Variants in WDR89 observed in about 807,000 individuals in gnomAD.
WDR89 encodes WD repeat domain 89.
A neutral mutation model predicts 29.1 loss-of-function variants in WDR89; 17 were observed. The observed-to-expected ratio is 0.58, with a 90% CI of 0.40 to 0.88. WDR89 has a LOEUF of 0.88. Ranked by LOEUF, WDR89 falls within the 40% of genes least tolerant of loss-of-function variation. WDR89 has a pLI of 0.00. For synonymous variants in WDR89, 138 were observed against 157.8 expected (o/e 0.87, Z 0.94); for missense variants, 396 against 456.3 (o/e 0.87, Z 1.20).
At chr14:63,619,029 T>C (rs968681982) in intron 2 of WDR89, among the ~76,000 whole-genome samples, 2 of 152,210 alleles carry the variant, frequency 1.3e-5, no homozygotes, top group Non-Finnish European at 2.9e-5. Context: ...AGATATTTTA[T>C]GTGTGCGTAT....
intron 2 of WDR89, among the ~76,000 whole-genome samples, chr14:63,612,549 A>G (rs1163114560): frequency 6.6e-6 from 1 of 151,886 alleles, no homozygotes; most frequent in Admixed American, 6.6e-5. Flanking sequence ...CTAATTTTGT[A>G]TTTTTTGTAG....
intron 2 of WDR89, among the ~76,000 whole-genome samples, chr14:63,619,231 G>T (rs971923605): frequency 2.0e-5 from 3 of 152,134 alleles, no homozygotes; most frequent in Admixed American, 1.3e-4. Context: ...GCACAAGATA[G>T]TAACAGCTCA....
chr14:63,621,894 T>A (rs2139541715), intron 2 of WDR89: 1 of 152,198 alleles, frequency 6.6e-6, no homozygotes, highest in South Asian at 2.1e-4. Context: ...AGAAATACGA[T>A]CAGAAAAACA....
At position 63,626,704 on chromosome 14, in the gene WDR89, A is replaced by C. The variant is rs886194447; in HGVS notation, c.-137-1671T>G. On this transcript the variant is annotated intron_variant, in intron 1 of 2. Coordinates refer to ENST00000620954, the MANE Select transcript of WDR89 (RefSeq NM_080666.4). ...AAAAAAAAAAAAAAAAAAAAAAAAAAAAAAAAGTTCCGTCTTACTAACAGT... is the reference window on the plus strand; with the variant it reads ...AAAAAAAAAAAAAAAAAAAAAAAAACAAAAAAGTTCCGTCTTACTAACAGT... Among the ~76,000 whole-genome samples, 3 of 149,698 alleles carry C rather than the reference A, an allele frequency of 2.0e-5. No homozygotes were observed. In the East Asian group the frequency reaches 5.8e-4, roughly 29 times the overall value.
intron 1 of WDR89, among the ~76,000 whole-genome samples, chr14:63,626,279 C>A (rs896211992): frequency 4.0e-5 from 6 of 151,554 alleles, no homozygotes; most frequent in Admixed American, 1.3e-4. Flanking sequence ...AGGTTAATAC[C>A]CTTACTATGC....
chr14:63,621,443 C>A (rs1486565443), intron 2 of WDR89, among the ~76,000 whole-genome samples: 2 of 151,884 alleles, frequency 1.3e-5, no homozygotes, highest in Non-Finnish European at 2.9e-5. Context: ...ACTAAAAATA[C>A]ATAAATTAGC....
chr14:63,600,082 T>C, intron 2 of WDR89, 109 bp from the exon 3 acceptor site: 1 of 562,644 alleles, frequency 1.8e-6, no homozygotes, highest in South Asian at 4.3e-5. Context: ...CAAGAACATT[T>C]TCCTCTGAGG....
intron 1 of WDR89, among the ~76,000 whole-genome samples, chr14:63,626,937 A>G (rs1453310994): frequency 6.6e-6 from 1 of 151,916 alleles, no homozygotes; most frequent in Non-Finnish European, 1.5e-5. Flanking sequence ...TGGGTATCAC[A>G]AAGAGAACCC....
intron 1 of WDR89, among the ~76,000 whole-genome samples, chr14:63,629,991 A>C (rs968508122): frequency 6.6e-6 from 1 of 152,104 alleles, no homozygotes; most frequent in Non-Finnish European, 1.5e-5. Context: ...CTTGTCACCC[A>C]GGCTGGAGTG....
chr14:63,639,157 T>C (rs1157849055), intron 1 of WDR89, among the ~76,000 whole-genome samples: 1 of 152,102 alleles, frequency 6.6e-6, no homozygotes, highest in African/African-American at 2.4e-5. Context: ...CCAGAAGGAA[T>C]TGGGCCTGCA....
Position 63,619,413 on chromosome 14 carries a change from G to C in WDR89, c.-32+5515C>G, listed in dbSNP as rs1471351105. On this transcript the variant is annotated intron_variant, in intron 2 of 2. Transcript: ENST00000620954. ...TAGTCTCTACTATTCTTCTATACAT[G>C]ATGTACAGAATGCAATTTTAAAGAG... Among the ~76,000 whole-genome samples the C allele has an allele frequency of 2.6e-5, 4 of 151,994 alleles. 1 individual carries two copies. Among genetic ancestry groups the C allele is most frequent in the Admixed American group, 6.6e-5 (1 of 15,244 alleles).
At chr14:63,638,768 G>C (rs1883908623) in intron 1 of WDR89, among the ~76,000 whole-genome samples, 1 of 152,144 alleles carries the variant, frequency 6.6e-6, no homozygotes, top group South Asian at 2.1e-4. Flanking sequence ...CTGTGAATTT[G>C]TTTTTCTCTT....
chr14:63,636,165 G>A (rs953578190), intron 1 of WDR89, among the ~76,000 whole-genome samples: 1 of 152,026 alleles, frequency 6.6e-6, no homozygotes, highest in African/African-American at 2.4e-5. Flanking sequence ...GCCAGAGCAA[G>A]GCTCTATCTC....
chr14:63,607,186 G>A (rs1421345865), intron 2 of WDR89, among the ~76,000 whole-genome samples: 4 of 151,602 alleles, frequency 2.6e-5, no homozygotes, highest in East Asian at 3.9e-4. Context: ...TTTTTGAGAC[G>A]GAGTCTTGCT....
At chr14:63,611,933 G>A (rs1882016827) in intron 2 of WDR89, among the ~76,000 whole-genome samples, 2 of 151,908 alleles carry the variant, frequency 1.3e-5, no homozygotes, top group South Asian at 4.2e-4. Context: ...TCACCATGTT[G>A]CCCAGGCTGG....
At chr14:63,604,877 T>C (rs1895234829) in intron 2 of WDR89, among the ~76,000 whole-genome samples, 1 of 152,148 alleles carries the variant, frequency 6.6e-6, no homozygotes, top group African/African-American at 2.4e-5. Context: ...TGGTAACCCA[T>C]GTGTGTGATC....
At chr14:63,640,413 CTGCGATGTCT>C (rs1398928479) in intron 1 of WDR89, among the ~76,000 whole-genome samples, 21 of 152,154 alleles carry the variant, frequency 1.4e-4, no homozygotes, top group Admixed American at 1.3e-3. Context: ...CTGGTGCCTA[CTGCGATGTCT>C]TTCCTCTAGA....
At chr14:63,600,085 C>T in intron 2 of WDR89, 112 bp from the exon 3 acceptor site, 1 of 546,762 alleles carries the variant, frequency 1.8e-6, no homozygotes, top group East Asian at 3.3e-5. Context: ...GAACATTTTC[C>T]TCTGAGGGCT....
intron 1 of WDR89, among the ~76,000 whole-genome samples, chr14:63,635,644 A>G (rs1462237360): frequency 1.3e-5 from 2 of 152,206 alleles, no homozygotes; most frequent in African/African-American, 2.4e-5. Context: ...TAGACAACAG[A>G]AAGAAATAAA....
Sources: gnomAD v4.1 joint callset for allele counts (sites outside exome capture counted in the v4.1 genomes callset) on GRCh38, gnomAD v4.1.1 for gene constraint, MANE v1.5 for transcripts, NCBI Gene and HGNC (gene_info 2026-07-23, HGNC 2026-07-21) for gene names.